TENM3: variants seen among roughly 807,000 people sequenced by gnomAD.
TENM3 encodes the protein teneurin transmembrane protein 3.
TENM3 carries 63 observed loss-of-function variants against 255.1 expected under a neutral mutation model. That is an observed-to-expected ratio of 0.25 (90% CI 0.20 to 0.30). TENM3 has a LOEUF of 0.30. Among genes scored for constraint, TENM3 ranks in the 10% least tolerant of loss-of-function variants. TENM3 has a pLI of 1.00. For synonymous variants in TENM3, 1,306 were observed against 1,322.3 expected (o/e 0.99, Z 0.27); for missense variants, 2,929 against 3,461.1 (o/e 0.85, Z 3.86).
At chr4:182,561,187 A>G (rs1291797328) in intron 3 of TENM3, among the ~76,000 whole-genome samples, 5 of 152,164 alleles carry the variant, frequency 3.3e-5, no homozygotes, top group Non-Finnish European at 5.9e-5. Context: ...ATGGGAATTT[A>G]TAAAATTGGA....
At chr4:182,553,228 G>C (rs1742235869) in intron 3 of TENM3, among the ~76,000 whole-genome samples, 1 of 152,056 alleles carries the variant, frequency 6.6e-6, no homozygotes, top group African/African-American at 2.4e-5. Flanking sequence ...CAGAGTAGCT[G>C]GGACTACAGG....
the TENM3 span, among the ~76,000 whole-genome samples, chr4:181,591,215 T>C: frequency 2.8e-4 from 43 of 152,210 alleles, no homozygotes; most frequent in Non-Finnish European, 5.1e-4. Context: ...ATTTAAAGAC[T>C]CACCATACCA....
intron 1 of TENM3, among the ~76,000 whole-genome samples, chr4:182,304,961 T>C (rs1287457657): frequency 1.3e-5 from 2 of 152,176 alleles, no homozygotes; most frequent in Non-Finnish European, 2.9e-5. Flanking sequence ...TTTCTTTTTC[T>C]TCTTCTCCTC....
At chr4:181,482,436 A>G in the TENM3 span, among the ~76,000 whole-genome samples, 1 of 152,052 alleles carries the variant, frequency 6.6e-6, no homozygotes, top group South Asian at 2.1e-4. Flanking sequence ...GCTCATTTTC[A>G]TCATTGAAAC....
the TENM3 span, among the ~76,000 whole-genome samples, chr4:181,473,709 A>C: frequency 6.6e-6 from 1 of 151,894 alleles, no homozygotes; most frequent in African/African-American, 2.4e-5. Flanking sequence ...CCCTTTTTCA[A>C]TATATATCTC....
At chr4:182,015,316 G>A in the TENM3 span, among the ~76,000 whole-genome samples, 15 of 152,256 alleles carry the variant, frequency 9.9e-5, no homozygotes, top group African/African-American at 3.6e-4. Context: ...CAGCCAGGTG[G>A]TCATACAGCT....
intron 1 of TENM3, among the ~76,000 whole-genome samples, chr4:182,222,563 G>A (rs1210070410): frequency 1.3e-5 from 2 of 152,188 alleles, no homozygotes; most frequent in Admixed American, 6.5e-5. Flanking sequence ...TACAGGAGAT[G>A]GGATTGTACC....
intron 1 of TENM3, among the ~76,000 whole-genome samples, chr4:182,210,167 G>A (rs942566032): frequency 6.6e-6 from 1 of 152,066 alleles, no homozygotes; most frequent in Non-Finnish European, 1.5e-5. Flanking sequence ...ACACCCTCGG[G>A]CGGATGGACG....
intron 3 of TENM3, among the ~76,000 whole-genome samples, chr4:182,595,958 A>T (rs1346257820): frequency 6.6e-6 from 1 of 151,784 alleles, no homozygotes; most frequent in Non-Finnish European, 1.5e-5. Context: ...TAGATTTTAA[A>T]TATCAGAACA....
the TENM3 span, among the ~76,000 whole-genome samples, chr4:181,798,941 C>T: frequency 6.6e-6 from 1 of 152,082 alleles, no homozygotes; most frequent in Non-Finnish European, 1.5e-5. Flanking sequence ...ATTGTAAGAA[C>T]CAGAAAAAGA....
chr4:182,589,844 T>G (rs1301655034), intron 3 of TENM3, among the ~76,000 whole-genome samples: 1 of 151,928 alleles, frequency 6.6e-6, no homozygotes, highest in East Asian at 1.9e-4. Flanking sequence ...CTTGGTGGTG[T>G]GCGCCTGTAA....
intron 12 of TENM3, among the ~76,000 whole-genome samples, chr4:182,693,131 G>T (rs1035282506): frequency 6.6e-6 from 1 of 152,026 alleles, no homozygotes; most frequent in Admixed American, 6.6e-5. Context: ...GCTCTACTTT[G>T]CATGCCTCAC....
rs1561276523 is a variant in TENM3 at position 182,801,137 on chromosome 4, GA to G, written c.*787del. 1 of 152,240 alleles carries G rather than the reference GA, an allele frequency of 6.6e-6. No homozygotes were observed. Among genetic ancestry groups the G allele is most frequent in the African/African-American group, 2.4e-5 (1 of 41,134 alleles). 9.4% of individuals were successfully genotyped at this position (152,240 alleles called of 1,614,324 possible). ...AAAATGATAAAAACGTGAACTGTGTGATTTTTTTAAAAGGATTGCACCTTTT... is the reference window on the plus strand; with the variant it reads ...AAAATGATAAAAACGTGAACTGTGTGTTTTTTTAAAAGGATTGCACCTTTT... On this transcript the variant is annotated 3_prime_UTR_variant, in exon 28 of 28. Coordinates refer to ENST00000511685, the MANE Select transcript of TENM3 (RefSeq NM_001080477.4).
At chr4:181,626,365 A>G in the TENM3 span, among the ~76,000 whole-genome samples, 2 of 152,184 alleles carry the variant, frequency 1.3e-5, no homozygotes, top group Non-Finnish European at 1.5e-5. Flanking sequence ...CGTTGCTATT[A>G]AGGGATACCT....
At chr4:181,633,058 T>C in the TENM3 span, among the ~76,000 whole-genome samples, 1 of 152,204 alleles carries the variant, frequency 6.6e-6, no homozygotes, top group Non-Finnish European at 1.5e-5. Context: ...CTTCCAGAAG[T>C]AGCCCAATTT....
chr4:182,245,546 C>T (rs568121041), intron 1 of TENM3, among the ~76,000 whole-genome samples: 1 of 152,022 alleles, frequency 6.6e-6, no homozygotes, highest in Admixed American at 6.5e-5. Context: ...GCGTCGTGGC[C>T]CAGTTTGGGT....
intron 3 of TENM3, among the ~76,000 whole-genome samples, chr4:182,554,876 C>CT (rs1412636029): frequency 0.021 from 2,982 of 143,770 alleles, 56 homozygotes; most frequent in African/African-American, 0.049. Context: ...TCCTTTTAAG[C>CT]TTTTTTTTTT....
At chr4:182,389,831 G>A (rs1161666678) in intron 3 of TENM3, among the ~76,000 whole-genome samples, 4 of 151,784 alleles carry the variant, frequency 2.6e-5, no homozygotes, top group Admixed American at 6.6e-5. Context: ...GACTACAGGC[G>A]CCCGCCACCA....
chr4:182,451,800 C>G (rs1297527580), intron 3 of TENM3, among the ~76,000 whole-genome samples: 1 of 152,168 alleles, frequency 6.6e-6, no homozygotes, highest in Non-Finnish European at 1.5e-5. Context: ...GTTTTCAGCT[C>G]TGATCAGCAA....
Sources: gnomAD v4.1 joint callset for allele counts (sites outside exome capture counted in the v4.1 genomes callset) on GRCh38, gnomAD v4.1.1 for gene constraint, MANE v1.5 for transcripts, NCBI Gene and HGNC (gene_info 2026-07-23, HGNC 2026-07-21) for gene names.